The following DPYSL3 variants were observed in gnomAD, a reference collection of about 807,000 sequenced individuals.
DPYSL3 encodes dihydropyrimidinase like 3.
In DPYSL3, 16 loss-of-function variants were observed where a neutral mutation model predicts 66.1. The ratio of observed to expected loss-of-function variants is 0.24; its 90% CI spans 0.16 to 0.37. The LOEUF is 0.37. DPYSL3 is among the 10% of genes least tolerant of loss of function. The pLI is 1.00. For synonymous variants in DPYSL3, 338 were observed against 345.1 expected, an observed-to-expected ratio of 0.98 and a Z score of 0.23; for missense variants, 738 against 916.2, an observed-to-expected ratio of 0.81 and a Z score of 2.51.
At chr5:147,501,808 G>A (rs1753616556) in intron 1 of DPYSL3, among the ~76,000 whole-genome samples, 1 of 152,148 alleles carries the variant, frequency 6.6e-6, no homozygotes, top group East Asian at 1.9e-4. Context: ...TTCATCAATT[G>A]TAAAAAATCG....
At chr5:147,465,304 GTC>G (rs2126415801) in intron 1 of DPYSL3, among the ~76,000 whole-genome samples, 1 of 152,242 alleles carries the variant, frequency 6.6e-6, no homozygotes, top group East Asian at 1.9e-4. Flanking sequence ...TTCTACCCAG[GTC>G]TCTCTTTTTT....
chr5:147,431,778 G>A (rs993361226), intron 1 of DPYSL3, among the ~76,000 whole-genome samples: 3 of 152,034 alleles, frequency 2.0e-5, no homozygotes, highest in Admixed American at 1.3e-4. Flanking sequence ...ACCCCACAGG[G>A]CAAGTTCCCA....
chr5:147,492,838 G>T (rs1462799321), intron 1 of DPYSL3, among the ~76,000 whole-genome samples: 1 of 152,116 alleles, frequency 6.6e-6, no homozygotes, highest in South Asian at 2.1e-4. Flanking sequence ...TAATCCATCT[G>T]TAACAATAAT....
chr5:147,426,233 G>T (rs1413716631), intron 1 of DPYSL3, among the ~76,000 whole-genome samples: 1 of 152,122 alleles, frequency 6.6e-6, no homozygotes, highest in Admixed American at 6.6e-5. Flanking sequence ...TTAGATGGAG[G>T]TGGAGGTGAA....
chr5:147,394,611 G>C (rs1360978358), intron 13 of DPYSL3, among the ~76,000 whole-genome samples: 2 of 145,818 alleles, frequency 1.4e-5, no homozygotes, highest in Non-Finnish European at 3.1e-5. Context: ...AAATTTCAAT[G>C]TGTGCTTGGG....
At chr5:147,496,263 G>A (rs1380604505) in intron 1 of DPYSL3, among the ~76,000 whole-genome samples, 1 of 152,198 alleles carries the variant, frequency 6.6e-6, no homozygotes, top group Non-Finnish European at 1.5e-5. Context: ...ATGGATTAAA[G>A]ACTTACATGT....
At chr5:147,401,246 A>C (rs1177119426) in intron 9 of DPYSL3, among the ~76,000 whole-genome samples, 1 of 152,218 alleles carries the variant, frequency 6.6e-6, no homozygotes, top group African/African-American at 2.4e-5. Context: ...CCTCACTCAT[A>C]AAGTTGTTAG....
intron 1 of DPYSL3, among the ~76,000 whole-genome samples, chr5:147,507,636 C>G (rs114158371): frequency 6.6e-6 from 1 of 152,092 alleles, no homozygotes; most frequent in Non-Finnish European, 1.5e-5. Flanking sequence ...TGTGATTCAA[C>G]CAAATTAGAG....
chr5:147,446,221 T>C (rs535773210), intron 1 of DPYSL3, among the ~76,000 whole-genome samples: 4 of 152,336 alleles, frequency 2.6e-5, no homozygotes, highest in Admixed American at 2.6e-4. Flanking sequence ...CTCATTTTAC[T>C]GATGCAGAAT....
intron 3 of DPYSL3, among the ~76,000 whole-genome samples, chr5:147,417,567 T>G (rs1383307527): frequency 6.6e-6 from 1 of 152,110 alleles, no homozygotes; most frequent in African/African-American, 2.4e-5. Context: ...TCTCAGGGGA[T>G]GTATATGGTG....
intron 3 of DPYSL3, among the ~76,000 whole-genome samples, 200 bp from the exon 4 acceptor site, chr5:147,416,073 T>G (rs1751961321): frequency 6.6e-6 from 1 of 152,168 alleles, no homozygotes; most frequent in South Asian, 2.1e-4. Flanking sequence ...TGGGGCAAAT[T>G]ACTAGCTTCC....
chr5:147,464,005 CAT>C (rs1161347486), intron 1 of DPYSL3, among the ~76,000 whole-genome samples: 3 of 151,558 alleles, frequency 2.0e-5, no homozygotes, highest in African/African-American at 7.3e-5. Flanking sequence ...CAAAACATCA[CAT>C]GAGACCAATG....
At chr5:147,418,707 G>A in intron 2 of DPYSL3, 76 bp from the exon 3 acceptor site, 1 of 1,317,160 alleles carries the variant, frequency 7.6e-7, no homozygotes, top group Non-Finnish European at 1.0e-6. Flanking sequence ...CAAATATAGT[G>A]GTATAAGGAT....
At chr5:147,495,093 CAGAT>C (rs1561805882) in intron 1 of DPYSL3, among the ~76,000 whole-genome samples, 2 of 152,072 alleles carry the variant, frequency 1.3e-5, no homozygotes, top group African/African-American at 4.8e-5. Context: ...ATGCCAGACT[CAGAT>C]GGATTTCCTG....
intron 1 of DPYSL3, chr5:147,453,470 G>A: frequency 1.4e-6 from 2 of 1,475,006 alleles, no homozygotes; most frequent in Non-Finnish European, 9.0e-7. Flanking sequence ...GAAGCCGGCG[G>A]GATCCGAGCC....
chr5:147,479,156 G>C (rs971950568), intron 1 of DPYSL3, among the ~76,000 whole-genome samples: 1 of 152,182 alleles, frequency 6.6e-6, no homozygotes. Flanking sequence ...TGGATTTAGA[G>C]CACTACAGGG....
At chr5:147,443,850 G>T (rs534985658) in intron 1 of DPYSL3, among the ~76,000 whole-genome samples, 7 of 152,240 alleles carry the variant, frequency 4.6e-5, no homozygotes, top group Non-Finnish European at 1.0e-4. Flanking sequence ...CTGGCAAGTT[G>T]TTTGTGTAAG....
chr5:147,402,341 C>CTTTTTT (rs11438535), intron 8 of DPYSL3, among the ~76,000 whole-genome samples: 5 of 135,048 alleles, frequency 3.7e-5, no homozygotes, highest in Admixed American at 1.4e-4. Context: ...ACTCTCATGA[C>CTTTTTT]TTTTTTTTTT....
Position 147,395,704 on chromosome 5 carries a change from G to C in DPYSL3, c.1821C>G (p.Ala607=). ...GCCCATCGTACATGCCCCTTGGGAC[G>C]GCATGCAGGTCTGCCATCTGCAGCC... ...KARRKMADLH[A]VPRGMYDGPV... Residue 607 remains alanine, a synonymous_variant, in exon 13 of 14, where the codon GCC becomes GCG. Coordinates refer to ENST00000343218, the MANE Select transcript of DPYSL3 (RefSeq NM_001197294.2). 2 of 1,613,870 alleles carry C rather than the reference G, an allele frequency of 1.2e-6. No homozygotes were observed. The highest frequency in any genetic ancestry group is 1.7e-6 in the Non-Finnish European group (2 of 1,180,008).
Sources: gnomAD v4.1 joint callset for allele counts (sites outside exome capture counted in the v4.1 genomes callset) on GRCh38, gnomAD v4.1.1 for gene constraint, MANE v1.5 for transcripts, NCBI Gene and HGNC (gene_info 2026-07-23, HGNC 2026-07-21) for gene names.